The following TMPRSS15 variants were observed in gnomAD, a reference collection of about 807,000 sequenced individuals.
TMPRSS15 encodes the protein enteropeptidase.
Under a neutral mutation model 125.3 loss-of-function variants are expected in TMPRSS15, and 128 were observed. That is an observed-to-expected ratio of 1.02 (90% confidence interval 0.89 to 1.18). TMPRSS15 has a LOEUF of 1.18. Ranked by LOEUF, TMPRSS15 falls within the 50% of genes most tolerant of loss-of-function variation. The pLI is 0.00. For missense variants in TMPRSS15, 1,283 were observed against 1,212.7 expected (o/e 1.06, Z -0.86); for synonymous variants, 446 against 423.2 (o/e 1.05, Z -0.66).
chr21:18,293,448 C>G (rs947134882), intron 21 of TMPRSS15, among the ~76,000 whole-genome samples: 2 of 152,158 alleles, frequency 1.3e-5, no homozygotes, highest in African/African-American at 4.8e-5. Flanking sequence ...GACATAGGGA[C>G]AGGAGATGAG....
Position 18,420,190 on chromosome 21 carries a change from C to T in TMPRSS15, c.11-21861G>A, listed in dbSNP as rs1312725200. The stretch of plus-strand genomic sequence containing the variant: ...ACCTGAAATGGTTATTGAATTCCTC[C>T]AATGCTAGCTTCTGCGTCTATGCAA... On this transcript the variant is annotated intron_variant, in intron 1 of 7. Transcript: ENST00000422787. Among the ~76,000 whole-genome samples, 3 of 152,298 alleles carry T rather than the reference C, an allele frequency of 2.0e-5. No individual in the cohort carries two copies. The East Asian group carries it at 5.8e-4, about 29-fold the overall frequency.
intron 24 of TMPRSS15, among the ~76,000 whole-genome samples, chr21:18,271,213 C>A (rs192212360): frequency 6.6e-6 from 1 of 152,232 alleles, no homozygotes; most frequent in East Asian, 1.9e-4. Flanking sequence ...CATCCCAAAC[C>A]CTTAATCTGT....
intron 18 of TMPRSS15, among the ~76,000 whole-genome samples, chr21:18,301,795 T>A (rs78901638): frequency 0.012 from 1,805 of 152,280 alleles, 25 homozygotes; most frequent in African/African-American, 0.04. Flanking sequence ...TTTCTAAGCT[T>A]TTATTGCCAT....
chr21:18,341,364 C>A, intron 13 of TMPRSS15, 49 bp downstream of exon 13: 1 of 1,610,682 alleles, frequency 6.2e-7, no homozygotes, highest in Non-Finnish European at 8.5e-7. Context: ...AGCCTCCACA[C>A]CTGACGTTAA....
In TMPRSS15 at chr21:18,457,962, C is replaced by T. The variant is rs74645381; in HGVS notation, c.10+27837G>A. On this transcript the variant is annotated intron_variant, in intron 1 of 7. Transcript: ENST00000422787. The stretch of plus-strand genomic sequence containing the variant: ...TAGAAAAATGAACATCATCTCCATC[C>T]GTTGTTATACCCTTTAGTAAGAAAG... Among the ~76,000 whole-genome samples, 900 of 152,180 alleles carry T rather than the reference C, an allele frequency of 5.9e-3. 6 individuals are homozygous for T. Among genetic ancestry groups the T allele is most frequent in the Non-Finnish European group, 8.9e-3 (608 of 68,008 alleles).
intron 1 of TMPRSS15, among the ~76,000 whole-genome samples, chr21:18,427,040 G>T (rs2076204027): frequency 1.3e-5 from 2 of 152,172 alleles, no homozygotes; most frequent in Admixed American, 1.3e-4. Context: ...TGTTATTGAT[G>T]TTATTAGAAG....
At chr21:18,303,117 T>C (rs2074990947) in intron 18 of TMPRSS15, among the ~76,000 whole-genome samples, 1 of 152,222 alleles carries the variant, frequency 6.6e-6, no homozygotes, top group Admixed American at 6.5e-5. Flanking sequence ...TTTTTAATGT[T>C]TTCCTTTTTG....
intron 21 of TMPRSS15, among the ~76,000 whole-genome samples, chr21:18,285,769 TAAAAG>T (rs2074755439): frequency 6.6e-6 from 1 of 152,136 alleles, no homozygotes; most frequent in African/African-American, 2.4e-5. Flanking sequence ...TTACCACAGT[TAAAAG>T]AAAAGAGTTG....
chr21:18,381,128 TCA>T (rs1356370639), intron 4 of TMPRSS15, among the ~76,000 whole-genome samples: 1 of 152,116 alleles, frequency 6.6e-6, no homozygotes, highest in Non-Finnish European at 1.5e-5. Flanking sequence ...ATAAAGGAAA[TCA>T]AAGCATATCT....
At chr21:18,485,377 T>C (rs1184359742) in intron 1 of TMPRSS15, among the ~76,000 whole-genome samples, 1 of 151,960 alleles carries the variant, frequency 6.6e-6, no homozygotes, top group Non-Finnish European at 1.5e-5. Flanking sequence ...ATAGTAAATA[T>C]TTTTTTCATC....
At chr21:18,419,220 C>CTTTTT (rs540004490) in intron 1 of TMPRSS15, among the ~76,000 whole-genome samples, 19 of 108,598 alleles carry the variant, frequency 1.7e-4, no homozygotes, top group African/African-American at 5.3e-4. Flanking sequence ...GACATTTCCT[C>CTTTTT]TTTTTTTTTT....
intron 16 of TMPRSS15, among the ~76,000 whole-genome samples, chr21:18,316,025 AT>A (rs1410855614): frequency 0.035 from 39 of 1,110 alleles, 1 homozygote; most frequent in African/African-American, 0.24. Flanking sequence ...GTATAATAAA[AT>A]ATATATATAT....
chr21:18,453,041 A>T (rs1180672036), intron 1 of TMPRSS15, among the ~76,000 whole-genome samples: 7 of 152,194 alleles, frequency 4.6e-5, no homozygotes, highest in Non-Finnish European at 1.5e-5. Context: ...ATATTTCTAG[A>T]GCTTACTCAT....
intron 1 of TMPRSS15, among the ~76,000 whole-genome samples, chr21:18,467,091 G>C (rs576705445): frequency 6.6e-6 from 1 of 152,246 alleles, no homozygotes; most frequent in African/African-American, 2.4e-5. Flanking sequence ...AAAAAAGGAT[G>C]CGTTCATGTC....
At chr21:18,436,024 TTTTC>T (rs2076227116) in intron 1 of TMPRSS15, among the ~76,000 whole-genome samples, 2 of 150,412 alleles carry the variant, frequency 1.3e-5, no homozygotes, top group Admixed American at 6.7e-5. Flanking sequence ...TTCTCTCTTT[TTTTC>T]TTTATTAGTC....
chr21:18,297,897 T>G, intron 18 of TMPRSS15, 68 bp from the exon 19 acceptor site: 1 of 1,235,856 alleles, frequency 8.1e-7, no homozygotes, highest in Non-Finnish European at 1.2e-6. Context: ...AGTTAGACTT[T>G]CAGTTCCTTA....
Position 18,294,332 on chromosome 21 carries a change from C to T in TMPRSS15, c.2424G>A (p.Leu808=). The part of the protein sequence containing the change: ...WVVGLYYGGR[L]LCGASLVSSD... The stretch of plus-strand genomic sequence containing the variant: ...TGCTGACGAGAGATGCGCCGCAGAG[C>T]AGTCGGCCGCCATAATACAGACCCA... The change falls in exon 21 of 25, where the codon CTG becomes CTA. Residue 808 remains leucine, a synonymous_variant. Transcript: ENST00000284885. 1 of 1,614,248 alleles carries T rather than the reference C, an allele frequency of 6.2e-7. No homozygotes were observed. The highest frequency in any genetic ancestry group is 1.6e-4 in the Middle Eastern group (1 of 6,062).
In TMPRSS15 at chr21:18,411,033, A is replaced by T. The variant is rs2076164763; in HGVS notation, c.11-12704T>A. On this transcript the variant is annotated intron_variant, in intron 1 of 7. Transcript: ENST00000422787. Reference sequence around the variant, plus strand: ...TAGCTGATTACTACTTTACAGAAGGATACAAGAAAACTGAAAATTCACAAA... The same window carrying T: ...TAGCTGATTACTACTTTACAGAAGGTTACAAGAAAACTGAAAATTCACAAA... Among the ~76,000 whole-genome samples the T allele has an allele frequency of 2.6e-5, 4 of 152,164 alleles. No homozygotes were observed. The South Asian group carries it at 8.3e-4, about 32-fold the overall frequency.
chr21:18,270,401 T>C (rs566241045), intron 24 of TMPRSS15, among the ~76,000 whole-genome samples: 1 of 152,264 alleles, frequency 6.6e-6, no homozygotes, highest in East Asian at 1.9e-4. Context: ...TTTTGGTGGC[T>C]ACTAAGAAGT....
Sources: allele counts gnomAD v4.1 joint callset (sites outside exome capture counted in the v4.1 genomes callset), GRCh38; gene constraint gnomAD v4.1.1; transcripts MANE v1.5; gene names NCBI Gene and HGNC (gene_info 2026-07-23, HGNC 2026-07-21).